The following PKP3 variants were observed in gnomAD, a reference collection of about 807,000 sequenced individuals.
PKP3 encodes plakophilin-3.
A neutral mutation model predicts 76.5 loss-of-function variants in PKP3; 66 were observed. The observed-to-expected ratio is 0.86, with a 90% CI of 0.71 to 1.06. PKP3 has a LOEUF of 1.06. PKP3 is among the 50% of genes least tolerant of loss of function. The probability of loss-of-function intolerance (pLI) is 0.00; values close to 1 mark genes in which losing one functional copy is unlikely to be tolerated. For missense variants in PKP3, 1,338 were observed against 1,141.0 expected (o/e 1.17, Z -2.49); for synonymous variants, 638 against 516.5 (o/e 1.24, Z -3.19).
rs1298227529 is a variant in PKP3, at chr11:400,110, G to C, written c.1417G>C (p.Glu473Gln). The C allele has an allele frequency of 5.1e-6, 8 of 1,573,980 alleles. No homozygotes were observed. In the East Asian group the frequency reaches 1.8e-4, roughly 36 times the overall value. The change falls in exon 6 of 13, where the codon GAG (glutamate) becomes CAG (glutamine). Residue 473 changes from glutamate to glutamine, a missense_variant. Transcript: ENST00000331563. ...PLIQQNASEA[E>Q]IFYNATGFLR... ...CATCCAGCAGAACGCCTCGGAGGCA[G>C]AGATCTTCTACAACGCCACCGGCTT...
At position 404,459 on chromosome 11, in the gene PKP3, A is replaced by G; in HGVS notation, c.2359-75A>G. 6.7e-7 allele frequency: 1 copy of G among 1,502,202 alleles called. No individual in the cohort carries two copies. Among genetic ancestry groups the G allele is most frequent in the Non-Finnish European group, 9.3e-7 (1 of 1,079,042 alleles). The allele number at this position is 1,502,202 out of a possible 1,614,324, so 93.1% of individuals were successfully genotyped here. A position where few individuals can be genotyped will look rare whatever the true frequency, so the allele number is the denominator to read the frequency against. On this transcript the variant is annotated intron_variant, in intron 12 of 12. Coordinates refer to ENST00000331563, the MANE Select transcript of PKP3 (RefSeq NM_007183.4). This position sits in a 1 kb window ranked among gnomAD's most constrained non-coding sequence, Gnocchi z 4.2. ...GAAGGGTCCGGGCCACACCCAGCAC[A>G]CTGCAGGAGGGACAGCGGGCAGAGG...
In PKP3 at chr11:397,198, G is replaced by C; in HGVS notation, c.697G>C (p.Glu233Gln). Reference sequence around the variant, plus strand: ...CCGGGCAGGGGGGCTGGACTGGCCCGAGGCCACTGAGGTTTCCCCGAGCCG... The same window carrying C: ...CCGGGCAGGGGGGCTGGACTGGCCCCAGGCCACTGAGGTTTCCCCGAGCCG... ...SSRAGGLDWPEATEVSPSRTI... is the reference protein window; with the variant it reads ...SSRAGGLDWPQATEVSPSRTI... Residue 233 changes from glutamate to glutamine, a missense_variant, in exon 3 of 13, where the codon GAG becomes CAG. Glu to Gln is a conservative substitution (Grantham distance 29). Coordinates refer to ENST00000331563, the MANE Select transcript of PKP3 (RefSeq NM_007183.4). 2 of 1,598,278 alleles carry C rather than the reference G, an allele frequency of 1.3e-6. No homozygotes were observed. The highest frequency in any genetic ancestry group is 1.7e-6 in the Non-Finnish European group (2 of 1,179,156).
chr11:404,485 G>C lies in PKP3; in HGVS notation c.2359-49G>C, dbSNP rs767643762. On this transcript the variant is annotated intron_variant, in intron 12 of 12. Coordinates refer to ENST00000331563, the MANE Select transcript of PKP3 (RefSeq NM_007183.4). This position sits in a 1 kb window ranked among gnomAD's most constrained non-coding sequence, Gnocchi z 4.2. ...CTGCAGGAGGGACAGCGGGCAGAGG[G>C]CCACATGGGCAGACATGCACCCTGA... 16 of 1,599,492 alleles carry C rather than the reference G, an allele frequency of 1.0e-5. No individual in the cohort carries two copies. Among genetic ancestry groups the C allele is most frequent in the Admixed American group, 5.0e-5 (3 of 59,968 alleles).
chr11:400,564 G>T lies in PKP3; in HGVS notation c.1596G>T (p.Arg532=), dbSNP rs1847136703. 2.0e-6 allele frequency: 3 copies of T among 1,496,170 alleles called. No individual in the cohort carries two copies. Among genetic ancestry groups the T allele is most frequent in the Non-Finnish European group, 2.7e-6 (3 of 1,130,366 alleles). The allele number at this position is 1,496,170 out of a possible 1,614,324, so 92.7% of individuals were successfully genotyped here. The change falls in exon 8 of 13, where the codon CGG becomes CGT. Residue 532 remains arginine, a synonymous_variant. Coordinates refer to ENST00000331563, the MANE Select transcript of PKP3 (RefSeq NM_007183.4). The stretch of plus-strand genomic sequence containing the variant: ...TGGAGAACGCGGTGTGCGTCCTGCG[G>T]AACCTGTCCTACCGCCTCTACGACG... ...KSVENAVCVL[R]NLSYRLYDEM... is the part of the protein sequence containing the mutation.
chr11:404,810 G>A lies in PKP3; in HGVS notation c.*241G>A. On this transcript the variant is annotated 3_prime_UTR_variant, in exon 13 of 13. Coordinates refer to ENST00000331563, the MANE Select transcript of PKP3 (RefSeq NM_007183.4). This position sits in a 1 kb window ranked among gnomAD's most constrained non-coding sequence, Gnocchi z 4.2. ...GCTCAAGGCTGCTCTGGTGTATGGG[G>A]TGGTGACCCAGTCACATTGGCAGAG... The A allele has an allele frequency of 1.8e-6, 1 of 563,182 alleles. No individual in the cohort carries two copies. The highest frequency in any genetic ancestry group is 2.1e-5 in the South Asian group (1 of 48,718). The allele number at this position is 563,182 out of a possible 1,614,324, so 34.9% of individuals were successfully genotyped here.
upstream of PKP3, among the ~76,000 whole-genome samples, chr11:392,897 C>T (rs1241534770): frequency 6.6e-6 from 1 of 152,078 alleles, no homozygotes; most frequent in East Asian, 1.9e-4. Context: ...CCTGACCCGG[C>T]CCTCACGCCA....
In PKP3 at chr11:399,999, C is replaced by G. The variant is rs1162730944; in HGVS notation, c.1306C>G (p.Leu436Val). ...ILWNLSSSDH[L>V]KDRLARDTLE... is the part of the protein sequence containing the mutation. ...GTGGAACCTTTCATCCAGCGACCAC[C>G]TGAAGGACCGCCTGGCCAGAGACAC... The change falls in exon 6 of 13, where the codon CTG (leucine) becomes GTG (valine). Residue 436 changes from leucine (L) to valine (V), a missense_variant. Physicochemically the swap from Leu to Val is conservative, Grantham distance 32 (BLOSUM62 1). Coordinates refer to ENST00000331563, the MANE Select transcript of PKP3 (RefSeq NM_007183.4). The G allele has an allele frequency of 6.2e-7, 1 of 1,607,024 alleles. No homozygotes were observed. The highest frequency in any genetic ancestry group is 1.1e-5 in the South Asian group (1 of 90,116).
Position 397,877 on chromosome 11 carries a change from T to G in PKP3, c.1068+215T>G, listed in dbSNP as rs143274398. 1.6e-3 allele frequency: 805 copies of G among 510,666 alleles called. 6 individuals are homozygous for G. The highest frequency in any genetic ancestry group is 0.015 in the African/African-American group (726 of 48,084). The allele number at this position is 510,666 out of a possible 1,614,324, so 31.6% of individuals were successfully genotyped here. On this transcript the variant is annotated intron_variant, in intron 4 of 12. Coordinates refer to ENST00000331563, the MANE Select transcript of PKP3 (RefSeq NM_007183.4). ...TGCATCACCTCCGTACCCCCACATA[T>G]ACCTCATCACCTCCGTACACCCGCA...
At position 400,143 on chromosome 11, in the gene PKP3, T is replaced by C; in HGVS notation, c.1448+2T>C. On this transcript the variant is annotated splice_donor_variant, in intron 6 of 12. Coordinates refer to ENST00000331563, the MANE Select transcript of PKP3 (RefSeq NM_007183.4). LOFTEE classifies it high-confidence loss of function. The stretch of plus-strand genomic sequence containing the variant: ...CTACAACGCCACCGGCTTCCTCAGG[T>C]GCGCCAGCCTCGGGCAGCGGGGTGG... 6.5e-7 allele frequency: 1 copy of C among 1,546,354 alleles called. No homozygotes were observed. Among genetic ancestry groups the C allele is most frequent in the East Asian group, 2.3e-5 (1 of 43,312 alleles).
chr11:398,294 C>G (rs866276590), intron 4 of PKP3, among the ~76,000 whole-genome samples: 28 of 63,256 alleles, frequency 4.4e-4, no homozygotes, highest in South Asian at 1.3e-3. Context: ...CGTCACCTCC[C>G]TACCCCCGCA....
At chr11:403,848 A>C in intron 10 of PKP3, 77 bp downstream of exon 10, 1 of 1,583,474 alleles carries the variant, frequency 6.3e-7, no homozygotes, top group Non-Finnish European at 8.6e-7. Flanking sequence ...GCTTCAGACC[A>C]CTGGGGCCAG....
At chr11:394,664 C>G in intron 1 of PKP3, 140 bp downstream of exon 1, 1 of 624,586 alleles carries the variant, frequency 1.6e-6, no homozygotes, top group Non-Finnish European at 2.2e-6. Flanking sequence ...CACCCCGCCC[C>G]AGGGGCGTGG....
At chr11:399,653 G>A (rs972409462) in intron 5 of PKP3, among the ~76,000 whole-genome samples, 2 of 145,704 alleles carry the variant, frequency 1.4e-5, no homozygotes, top group African/African-American at 5.2e-5. Context: ...TTTGCCGGCC[G>A]TGTTTCTACT....
At position 404,088 on chromosome 11, in the gene PKP3, T is replaced by G; in HGVS notation, c.2223T>G (p.Tyr741Ter). 1 of 1,612,188 alleles carries G rather than the reference T, an allele frequency of 6.2e-7. No individual in the cohort carries two copies. The highest frequency in any genetic ancestry group is 8.5e-7 in the Non-Finnish European group (1 of 1,179,598). ...ASPIAARDLL[Y>*]FDGLRKLIFI... ...CCATCGCTGCCCGAGACCTGCTGTATTTTGACGGACTCCGAAAGCTCATCT... is the reference window on the plus strand; with the variant it reads ...CCATCGCTGCCCGAGACCTGCTGTAGTTTGACGGACTCCGAAAGCTCATCT... Residue 741 changes from tyrosine (Y) to a stop codon, truncating the protein, a stop_gained, in exon 11 of 13, where the codon TAT becomes TAG. Coordinates refer to ENST00000331563, the MANE Select transcript of PKP3 (RefSeq NM_007183.4). LOFTEE classifies it high-confidence loss of function. This position sits in a 1 kb window ranked among gnomAD's most constrained non-coding sequence, Gnocchi z 4.2.
Position 399,951 on chromosome 11 carries a change from C to T in PKP3, c.1274-16C>T. On this transcript the variant is annotated splice_polypyrimidine_tract_variant and intron_variant, in intron 5 of 12. Transcript: ENST00000331563. ...TTGGAGGGCAGACGCTGATAGCAGC[C>T]TCCCCCGTCCTCCAGGGATCCTGTG... The T allele has an allele frequency of 6.3e-7, 1 of 1,582,664 alleles. No individual in the cohort carries two copies. The highest frequency in any genetic ancestry group is 2.3e-5 in the East Asian group (1 of 43,654).
rs1426588717 is a variant in PKP3, at chr11:400,691, C to G, written c.1723C>G (p.Arg575Gly). ...EVVGCFTPQS[R>G]RLRELPLAAD... ...CGTGGGCTGCTTCACGCCGCAGAGC[C>G]GGCGGCTGCGCGAGGTGGGCACCAG... The change falls in exon 8 of 13, where the codon CGG becomes GGG. Residue 575 changes from arginine to glycine, a missense_variant. By Grantham distance (125) the Arg-to-Gly change is moderately radical. Coordinates refer to ENST00000331563, the MANE Select transcript of PKP3 (RefSeq NM_007183.4). The G allele has an allele frequency of 1.6e-6, 2 of 1,272,546 alleles. No individual in the cohort carries two copies. The highest frequency in any genetic ancestry group is 9.9e-7 in the Non-Finnish European group (1 of 1,006,882). 78.8% of individuals were successfully genotyped at this position (1,272,546 alleles called of 1,614,324 possible).
At chr11:392,964 A>G (rs1846994632), upstream of PKP3, among the ~76,000 whole-genome samples, 1 of 151,746 alleles carries the variant, frequency 6.6e-6, no homozygotes, top group African/African-American at 2.4e-5. Context: ...GCTAGGGGGC[A>G]AGGGTCTGCC....
chr11:396,382 C>T, intron 1 of PKP3: 1 of 495,052 alleles, frequency 2.0e-6, no homozygotes, highest in South Asian at 3.4e-5. Context: ...AGAGGAGGCA[C>T]AGCTGGGGGG....
chr11:400,705 G>T lies in PKP3; in HGVS notation c.1737G>T (p.Glu579Asp). 1 of 1,259,602 alleles carries T rather than the reference G, an allele frequency of 7.9e-7. No individual in the cohort carries two copies. Among genetic ancestry groups the T allele is most frequent in the South Asian group, 2.3e-5 (1 of 43,248 alleles). 78.0% of individuals were successfully genotyped at this position (1,259,602 alleles called of 1,614,324 possible). ...CGCCGCAGAGCCGGCGGCTGCGCGA[G>T]GTGGGCACCAGCCTGAGCGGGGCGT... ...CFTPQSRRLRELPLAADALTF... is the reference protein window; with the variant it reads ...CFTPQSRRLRDLPLAADALTF... Residue 579 changes from glutamate (E) to aspartate (D), a missense_variant and splice_region_variant, in exon 8 of 13, where the codon GAG becomes GAT. Physicochemically the swap from Glu to Asp is conservative, Grantham distance 45 (BLOSUM62 2). Transcript: ENST00000331563.
Sources: gnomAD v4.1 joint callset for allele counts (sites outside exome capture counted in the v4.1 genomes callset) on GRCh38, gnomAD v4.1.1 for gene constraint, Gnocchi (gnomAD v3.1) non-coding constraint, MANE v1.5 for transcripts, NCBI Gene and HGNC (gene_info 2026-07-23, HGNC 2026-07-21) for gene names.